WBP2NL: variants seen among roughly 807,000 people sequenced by gnomAD.
WBP2NL encodes the protein postacrosomal sheath WW domain-binding protein.
Under a neutral mutation model 23.3 loss-of-function variants are expected in WBP2NL, and 27 were observed. The observed-to-expected ratio is 1.16, with a 90% CI of 0.85 to 1.60. The LOEUF (loss-of-function observed/expected upper bound fraction) is 1.60, where lower values mean the gene tolerates loss of function less well. WBP2NL is among the 40% of genes most tolerant of loss of function. The pLI is 0.00. For missense variants in WBP2NL, 370 were observed against 389.5 expected (o/e 0.95, Z 0.42); for synonymous variants, 151 against 145.9 (o/e 1.03, Z -0.25).
chr22:42,050,997 C>T (rs1008929557), intron 8 of WBP2NL, among the ~76,000 whole-genome samples: 16 of 152,084 alleles, frequency 1.1e-4, no homozygotes, highest in Non-Finnish European at 2.1e-4. Flanking sequence ...TGGTATTTAT[C>T]CAAATGAGTT....
At chr22:42,016,929 A>G (rs5751202) in intron 1 of WBP2NL, among the ~76,000 whole-genome samples, 142,080 of 152,224 alleles carry the variant, frequency 0.93, 66,373 homozygotes, top group East Asian at 1. Context: ...CTGTAGTTCC[A>G]GCATAGCTTT....
intron 1 of WBP2NL, among the ~76,000 whole-genome samples, chr22:42,010,234 C>A (rs1922679446): frequency 6.6e-6 from 1 of 152,154 alleles, no homozygotes; most frequent in Non-Finnish European, 1.5e-5. Flanking sequence ...TAAGATCACG[C>A]CATCTGTGAA....
chr22:42,028,874 C>T (rs529361750), downstream of WBP2NL, among the ~76,000 whole-genome samples: 1 of 152,322 alleles, frequency 6.6e-6, no homozygotes, highest in African/African-American at 2.4e-5. Flanking sequence ...AAGGTACTGC[C>T]CTGTACGTTT....
At chr22:42,005,630 A>T (rs1922155538) in intron 1 of WBP2NL, among the ~76,000 whole-genome samples, 1 of 152,248 alleles carries the variant, frequency 6.6e-6, no homozygotes, top group Admixed American at 6.5e-5. Flanking sequence ...CATGATTGAC[A>T]GCAGAAACAA....
chr22:42,001,649 G>T, intron 1 of WBP2NL: 1 of 1,178,234 alleles, frequency 8.5e-7, no homozygotes, highest in Non-Finnish European at 1.3e-6. Context: ...CCAAAACTGG[G>T]ATCTCTTGTC....
intron 8 of WBP2NL, among the ~76,000 whole-genome samples, chr22:42,052,256 T>A: frequency 6.6e-6 from 1 of 152,122 alleles, no homozygotes; most frequent in East Asian, 1.9e-4. Flanking sequence ...TTCTTGAAGC[T>A]CTTTAAACAG....
At chr22:42,019,052 T>A (rs1176466384) in intron 1 of WBP2NL, among the ~76,000 whole-genome samples, 1 of 151,544 alleles carries the variant, frequency 6.6e-6, no homozygotes, top group African/African-American at 2.4e-5. Context: ...AACCCCCATC[T>A]CTACAAAAAT....
intron 1 of WBP2NL, among the ~76,000 whole-genome samples, chr22:41,999,953 G>A (rs1037848239): frequency 2.6e-5 from 4 of 152,084 alleles, no homozygotes; most frequent in Admixed American, 1.3e-4. Flanking sequence ...TGTTCACTAA[G>A]GCCTGACTCC....
chr22:42,029,676 A>G (rs1014469272), downstream of WBP2NL, among the ~76,000 whole-genome samples: 5 of 152,198 alleles, frequency 3.3e-5, no homozygotes, highest in African/African-American at 9.7e-5. Flanking sequence ...CTGGCCTTCT[A>G]TGCATATTTC....
At chr22:42,053,866 A>C (rs985298339) in intron 8 of WBP2NL, among the ~76,000 whole-genome samples, 3 of 152,040 alleles carry the variant, frequency 2.0e-5, no homozygotes, top group African/African-American at 7.3e-5. Flanking sequence ...TCTTTTTATT[A>C]AGTTGTATAT....
downstream of WBP2NL, among the ~76,000 whole-genome samples, chr22:42,029,614 C>T (rs1042739700): frequency 6.6e-6 from 1 of 152,216 alleles, no homozygotes. Flanking sequence ...TCAAGCAATC[C>T]TCCTGTCTCA....
intron 1 of WBP2NL, chr22:42,002,102 C>T (rs959080312): frequency 2.5e-6 from 1 of 405,864 alleles, no homozygotes. Flanking sequence ...CTCTCTACTT[C>T]ACTGCTTGTG....
chr22:42,005,441 G>A (rs1023498667), intron 1 of WBP2NL, among the ~76,000 whole-genome samples: 1 of 152,152 alleles, frequency 6.6e-6, no homozygotes, highest in African/African-American at 2.4e-5. Context: ...TTGAACTCAG[G>A]AGGTGGAGGT....
intron 8 of WBP2NL, among the ~76,000 whole-genome samples, chr22:42,052,564 G>A (rs1027742732): frequency 2.6e-5 from 4 of 152,234 alleles, no homozygotes; most frequent in African/African-American, 9.6e-5. Context: ...AGAGGCATGA[G>A]CCACTGTGCC....
rs1569449981 is a variant in WBP2NL at position 42,020,884 on chromosome 22, ATATATATATATATATATATATATATTTT to A, written c.406+790_406+817del. On this transcript the variant is annotated intron_variant, in intron 4 of 5. Transcript: ENST00000328823. ...TGTGTGTGTGTATATATATATATAT[ATATATATATATATATATATATATATTTT>A]TTTTTTTTTTTTTTTTTTTTTTTTT... Among the ~76,000 whole-genome samples the A allele has an allele frequency of 7.0e-4, 27 of 38,770 alleles. No homozygotes were observed. The East Asian group carries it at 0.014, about 20-fold the overall frequency. The allele number at this position is 38,770 out of a possible 152,430, so 25.4% of individuals were successfully genotyped here.
At position 42,049,710 on chromosome 22, in the gene WBP2NL, A is replaced by C. The variant is rs868566346; in HGVS notation, c.*274-8580A>C. Among the ~76,000 whole-genome samples the C allele has an allele frequency of 4.4e-3, 531 of 119,722 alleles. 1 individual carries two copies. The highest frequency in any genetic ancestry group is 0.024 in the East Asian group (105 of 4,400). 78.5% of individuals were successfully genotyped at this position (119,722 alleles called of 152,430 possible). ...GTCTCCAAAACAAAACAAAACAAAA[A>C]AAAAAAAAAAAAAAAAAAAAATAGA... On this transcript the variant is annotated intron_variant and NMD_transcript_variant, in intron 8 of 8. Coordinates refer to the WBP2NL transcript ENST00000436265.
chr22:42,038,671 T>TGGCTCACTGCAAGCTCC (rs1925279826), intron 8 of WBP2NL, among the ~76,000 whole-genome samples: 1 of 152,116 alleles, frequency 6.6e-6, no homozygotes, highest in East Asian at 1.9e-4. Flanking sequence ...GGTGTGATCT[T>TGGCTCACTGCAAGCTCC]GGCTCACTGC....
intron 8 of WBP2NL, among the ~76,000 whole-genome samples, chr22:42,045,766 A>C (rs908429721): frequency 3.9e-5 from 6 of 152,268 alleles, no homozygotes; most frequent in Non-Finnish European, 5.9e-5. Context: ...TCACTGGTAA[A>C]TTCAATATGT....
chr22:41,998,880 G>C lies in WBP2NL; in HGVS notation c.62G>C (p.Ser21Thr), dbSNP rs764424344. The change falls in exon 1 of 6, where the codon AGT (serine) becomes ACT (threonine). Residue 21 changes from serine to threonine, a missense_variant and splice_region_variant. Ser to Thr is a moderately conservative substitution (Grantham distance 58, BLOSUM62 1). Coordinates refer to ENST00000328823, the MANE Select transcript of WBP2NL (RefSeq NM_152613.3). ...RRGALIPNGE[S>T]LLKRSPNVEL... is the part of the protein sequence containing the mutation. ...GGAGCCCTCATCCCTAACGGTGAAA[G>C]GTGCCTGAGGGGAAGCACGGCGTGC... 6.2e-7 allele frequency: 1 copy of C among 1,609,182 alleles called. No individual in the cohort carries two copies.
Sources: allele counts gnomAD v4.1 joint callset (sites outside exome capture counted in the v4.1 genomes callset), GRCh38; gene constraint gnomAD v4.1.1; transcripts MANE v1.5; gene names NCBI Gene and HGNC (gene_info 2026-07-23, HGNC 2026-07-21).